ARHGEF19: variants seen among roughly 807,000 people sequenced by gnomAD.
The protein encoded by ARHGEF19 is Rho guanine nucleotide exchange factor 19.
In ARHGEF19, 92 loss-of-function variants were observed where a neutral mutation model predicts 87.6. The ratio of observed to expected loss-of-function variants is 1.05; its 90% CI spans 0.89 to 1.25. The LOEUF (loss-of-function observed/expected upper bound fraction) is 1.25, where lower values mean the gene tolerates loss of function less well. Ranked by LOEUF, ARHGEF19 falls within the 50% of genes most tolerant of loss-of-function variation. The pLI, the probability that ARHGEF19 is intolerant of heterozygous loss-of-function variation, is 0.00. For synonymous variants in ARHGEF19, 438 were observed against 446.2 expected, an observed-to-expected ratio of 0.98 and a Z score of 0.23; for missense variants, 1,054 against 1,051.8, an observed-to-expected ratio of 1.00 and a Z score of -0.03.
chr1:16,204,252 T>C (rs1343628991), intron 12 of ARHGEF19, among the ~76,000 whole-genome samples: 3 of 151,412 alleles, frequency 2.0e-5, no homozygotes, highest in East Asian at 3.9e-4. Context: ...ACTGAACAAG[T>C]GTTCACTGTG....
chr1:16,205,713 C>A lies in ARHGEF19; in HGVS notation c.1452-46G>T. ...TGGAATCACAGGTAGGCCTGAATTC[C>A]TGGGATCCACAACCCTGGCCATCCA... On this transcript the variant is annotated intron_variant, in intron 8 of 15. Transcript: ENST00000270747. This position sits in a 1 kb window ranked among gnomAD's most constrained non-coding sequence, Gnocchi z 5.8. 1 of 1,563,190 alleles carries A rather than the reference C, an allele frequency of 6.4e-7. No homozygotes were observed. The highest frequency in any genetic ancestry group is 1.4e-5 in the African/African-American group (1 of 73,070).
chr1:16,201,714 G>C, intron 14 of ARHGEF19, 68 bp downstream of exon 14: 1 of 1,532,770 alleles, frequency 6.5e-7, no homozygotes, highest in Non-Finnish European at 8.9e-7. Context: ...ACAGCACCCA[G>C]GATGGGAGGG....
In ARHGEF19 at chr1:16,205,865, C is replaced by T; in HGVS notation, c.1451+66G>A. On this transcript the variant is annotated intron_variant, in intron 8 of 15. Transcript: ENST00000270747. The surrounding 1 kb of genome is among the most constrained non-coding windows in gnomAD (Gnocchi z 5.8). ...CAGAGTCACCTTACGTCACCCAGCC[C>T]TCAGTGCCTACACCTGCCTGAGACT... 1.3e-6 allele frequency: 2 copies of T among 1,543,996 alleles called. No individual in the cohort carries two copies. Among genetic ancestry groups the T allele is most frequent in the Non-Finnish European group, 1.8e-6 (2 of 1,142,346 alleles).
intron 13 of ARHGEF19, 36 bp downstream of exon 13, chr1:16,202,380 G>C (rs753357567): frequency 6.4e-7 from 1 of 1,566,480 alleles, no homozygotes; most frequent in South Asian, 1.2e-5. Flanking sequence ...CATGGGGAGG[G>C]GGAGCCTCCT....
Position 16,208,993 on chromosome 1 carries a change from T to C in ARHGEF19, c.62A>G (p.His21Arg). Reference sequence around the variant, plus strand: ...CTGCTGGCACACTGCTACAGGGTGGTGGGCAGTGCCAGGTGGCCCAGTCAG... The same window carrying C: ...CTGCTGGCACACTGCTACAGGGTGGCGGGCAGTGCCAGGTGGCCCAGTCAG... ...PHLTGPPGTAHHPVAVCQQES... is the reference protein window; with the variant it reads ...PHLTGPPGTARHPVAVCQQES... The change falls in exon 2 of 16, where the codon CAC (histidine) becomes CGC (arginine). Residue 21 changes from histidine (H) to arginine (R), a missense_variant. His to Arg is a conservative substitution (Grantham distance 29, BLOSUM62 0). Coordinates refer to ENST00000270747, the MANE Select transcript of ARHGEF19 (RefSeq NM_153213.5). The C allele has an allele frequency of 6.6e-7, 1 of 1,521,656 alleles. No homozygotes were observed. The highest frequency in any genetic ancestry group is 8.8e-7 in the Non-Finnish European group (1 of 1,135,958). 94.3% of individuals were successfully genotyped at this position (1,521,656 alleles called of 1,614,324 possible). A position where few individuals can be genotyped will look rare whatever the true frequency, so the allele number is the denominator to read the frequency against.
chr1:16,206,550 C>T lies in ARHGEF19; in HGVS notation c.1138-210G>A. 1 of 597,304 alleles carries T rather than the reference C, an allele frequency of 1.7e-6. No individual in the cohort carries two copies. Among genetic ancestry groups the T allele is most frequent in the South Asian group, 2.0e-5 (1 of 48,872 alleles). The allele number at this position is 597,304 out of a possible 1,614,324, so 37.0% of individuals were successfully genotyped here. ...TCCTGTCCTCGATCCCGCCCCTCTCCTAAGCCCCGCCCCGACGCGTTCTTC... is the reference window on the plus strand; with the variant it reads ...TCCTGTCCTCGATCCCGCCCCTCTCTTAAGCCCCGCCCCGACGCGTTCTTC... On this transcript the variant is annotated intron_variant, in intron 6 of 15. Coordinates refer to ENST00000270747, the MANE Select transcript of ARHGEF19 (RefSeq NM_153213.5). This position sits in a 1 kb window ranked among gnomAD's most constrained non-coding sequence, Gnocchi z 4.6.
rs1373953078 is a variant in ARHGEF19, at chr1:16,207,578, GGCTCT to G, written c.813_817del (p.Glu271AspfsTer19). The G allele has an allele frequency of 6.2e-7, 1 of 1,613,952 alleles. No homozygotes were observed. The highest frequency in any genetic ancestry group is 8.5e-7 in the Non-Finnish European group (1 of 1,179,982). On this transcript the variant is annotated frameshift_variant, in exon 5 of 16. Coordinates refer to ENST00000270747, the MANE Select transcript of ARHGEF19 (RefSeq NM_153213.5). LOFTEE classifies it high-confidence loss of function. The surrounding 1 kb of genome is among the most constrained non-coding windows in gnomAD (Gnocchi z 4.0). Reference sequence around the variant, plus strand: ...GTTGGTGCTCCTGGACCCCAAAGGCGGCTCTTCCTGTGTGTCTAGCCTAGGAAAGA... The same window carrying G: ...GTTGGTGCTCCTGGACCCCAAAGGCGTCCTGTGTGTCTAGCCTAGGAAAGA...
Position 16,207,019 on chromosome 1 carries a change from G to T in ARHGEF19, c.1066C>A (p.Gln356Lys). 1 of 1,517,116 alleles carries T rather than the reference G, an allele frequency of 6.6e-7. No individual in the cohort carries two copies. Among genetic ancestry groups the T allele is most frequent in the Non-Finnish European group, 8.8e-7 (1 of 1,135,180 alleles). 94.0% of individuals were successfully genotyped at this position (1,517,116 alleles called of 1,614,324 possible). A position where few individuals can be genotyped will look rare whatever the true frequency, so the allele number is the denominator to read the frequency against. ...CTGCCGCGTACGTCGGGGATATCCT[G>T]CCACAGCGAGAAGGTGGAGCCTCGC... ...SARGSTFSLW[Q>K]DIPDVRGSGV... Residue 356 changes from glutamine (Q) to lysine (K), a missense_variant, in exon 6 of 16, where the codon CAG (glutamine) becomes AAG (lysine). Physicochemically the swap from Gln to Lys is moderately conservative, Grantham distance 53 (BLOSUM62 1). Transcript: ENST00000270747. This position sits in a 1 kb window ranked among gnomAD's most constrained non-coding sequence, Gnocchi z 4.0.
chr1:16,205,740 G>C lies in ARHGEF19; in HGVS notation c.1452-73C>G. 6 of 1,521,526 alleles carry C rather than the reference G, an allele frequency of 3.9e-6. No individual in the cohort carries two copies. Among genetic ancestry groups the C allele is most frequent in the Non-Finnish European group, 5.3e-6 (6 of 1,134,146 alleles). The allele number at this position is 1,521,526 out of a possible 1,614,324, so 94.3% of individuals were successfully genotyped here. A position where few individuals can be genotyped will look rare whatever the true frequency, so the allele number is the denominator to read the frequency against. ...GGGATCCACAACCCTGGCCATCCAC[G>C]GGGTCCTCAGGGGGCTTCTCAGCAC... is the stretch of plus-strand genomic sequence containing the variant. On this transcript the variant is annotated intron_variant, in intron 8 of 15. Transcript: ENST00000270747. This position sits in a 1 kb window ranked among gnomAD's most constrained non-coding sequence, Gnocchi z 5.8.
chr1:16,206,503 C>G lies in ARHGEF19; in HGVS notation c.1138-163G>C, dbSNP rs376205549. 3,019 of 735,476 alleles carry G rather than the reference C, an allele frequency of 4.1e-3. 64 individuals carry two copies. The African/African-American group carries it at 0.042, about 10-fold the overall frequency. 45.6% of individuals were successfully genotyped at this position (735,476 alleles called of 1,614,324 possible). A position where few individuals can be genotyped will look rare whatever the true frequency, so the allele number is the denominator to read the frequency against. On this transcript the variant is annotated intron_variant, in intron 6 of 15. Transcript: ENST00000270747. This position sits in a 1 kb window ranked among gnomAD's most constrained non-coding sequence, Gnocchi z 4.6. ...GCGGGCCCGGCGACCCACGTCCCGC[C>G]GCGGGAAATTGTGCAAGCCTTTCCT...
In ARHGEF19 at chr1:16,202,603, C is replaced by CTGG. The variant is rs756117678; in HGVS notation, c.1908-32_1908-30dup. ...GAGGACCGGGGGAGGGGAGGTCAGC[C>CTGG]TGGCCTGGGCCCTGGCTCTAGGCAC... On this transcript the variant is annotated intron_variant, in intron 12 of 15. Transcript: ENST00000270747. The CTGG allele has an allele frequency of 7.0e-5, 112 of 1,600,722 alleles. 1 individual carries two copies. The Middle Eastern group carries it at 1.0e-3, about 14-fold the overall frequency.
In ARHGEF19 at chr1:16,207,090, C is replaced by T. The variant is rs1475668577; in HGVS notation, c.995G>A (p.Arg332Gln). 1.3e-6 allele frequency: 2 copies of T among 1,506,922 alleles called. No individual in the cohort carries two copies. The highest frequency in any genetic ancestry group is 1.5e-5 in the African/African-American group (1 of 68,626). 93.3% of individuals were successfully genotyped at this position (1,506,922 alleles called of 1,614,324 possible). A position where few individuals can be genotyped will look rare whatever the true frequency, so the allele number is the denominator to read the frequency against. Residue 332 changes from arginine to glutamine, a missense_variant, in exon 6 of 16, where the codon CGG (arginine) becomes CAG (glutamine). By Grantham distance (43) the Arg-to-Gln change is conservative. Coordinates refer to ENST00000270747, the MANE Select transcript of ARHGEF19 (RefSeq NM_153213.5). The surrounding 1 kb of genome is among the most constrained non-coding windows in gnomAD (Gnocchi z 4.0). ...GGAGCTGCTGGGGGAGAGGTTGGCCCGCGGCGGCCCCGGCCCCTCCTCTGC... is the reference window on the plus strand; with the variant it reads ...GGAGCTGCTGGGGGAGAGGTTGGCCTGCGGCGGCCCCGGCCCCTCCTCTGC... ...EGAEEGPGPP[R>Q]ANLSPSSSFR...
Position 16,206,476 on chromosome 1 carries a change from G to C in ARHGEF19, c.1138-136C>G, listed in dbSNP as rs994664727. 7.2e-6 allele frequency: 7 copies of C among 977,466 alleles called. No homozygotes were observed. The highest frequency in any genetic ancestry group is 2.7e-5 in the East Asian group (1 of 37,554). The allele number at this position is 977,466 out of a possible 1,614,324, so 60.5% of individuals were successfully genotyped here. A position where few individuals can be genotyped will look rare whatever the true frequency, so the allele number is the denominator to read the frequency against. On this transcript the variant is annotated intron_variant, in intron 6 of 15. Transcript: ENST00000270747. This position sits in a 1 kb window ranked among gnomAD's most constrained non-coding sequence, Gnocchi z 4.6. ...CTAGCCCCACTCCTAATCTGGCGCC[G>C]GGCGGGCCCGGCGACCCACGTCCCG... is the stretch of plus-strand genomic sequence containing the variant.
intron 14 of ARHGEF19, among the ~76,000 whole-genome samples, chr1:16,200,624 A>G (rs2081076766): frequency 6.6e-6 from 1 of 152,182 alleles, no homozygotes; most frequent in Non-Finnish European, 1.5e-5. Flanking sequence ...GGCGCCTATA[A>G]TCCCAGCTAC....
In ARHGEF19 at chr1:16,207,902, C is replaced by CGCCGCGGGCG; in HGVS notation, c.694+41_694+42insCGCCCGCGGC. On this transcript the variant is annotated intron_variant, in intron 3 of 15. Transcript: ENST00000270747. The surrounding 1 kb of genome is among the most constrained non-coding windows in gnomAD (Gnocchi z 4.0). ...GGCATCGCCCACCCCCACCCCCACCCGGCATCTGGCTGCCCTCAGGGCCCA... is the reference window on the plus strand; with the variant it reads ...GGCATCGCCCACCCCCACCCCCACCCGCCGCGGGCGGGCATCTGGCTGCCCTCAGGGCCCA... The CGCCGCGGGCG allele has an allele frequency of 6.3e-7, 1 of 1,574,826 alleles. No homozygotes were observed. The highest frequency in any genetic ancestry group is 8.6e-7 in the Non-Finnish European group (1 of 1,159,208).
In ARHGEF19 at chr1:16,198,390, G is replaced by A. The variant is rs1417414121; in HGVS notation, c.*197C>T. On this transcript the variant is annotated 3_prime_UTR_variant, in exon 16 of 16. Coordinates refer to ENST00000270747, the MANE Select transcript of ARHGEF19 (RefSeq NM_153213.5). The surrounding 1 kb of genome is among the most constrained non-coding windows in gnomAD (Gnocchi z 4.1). ...AAGAAACTATCCTTGGCCTTGAAGTGTGGACACTGAGGAGCATGAGGACGG... is the reference window on the plus strand; with the variant it reads ...AAGAAACTATCCTTGGCCTTGAAGTATGGACACTGAGGAGCATGAGGACGG... 4 of 512,672 alleles carry A rather than the reference G, an allele frequency of 7.8e-6. No homozygotes were observed. The highest frequency in any genetic ancestry group is 3.8e-5 in the African/African-American group (2 of 52,022). The allele number at this position is 512,672 out of a possible 1,614,324, so 31.8% of individuals were successfully genotyped here.
rs866812057 is a variant in ARHGEF19, at chr1:16,205,481, G to T, written c.1582-56C>A. On this transcript the variant is annotated intron_variant, in intron 9 of 15. Coordinates refer to ENST00000270747, the MANE Select transcript of ARHGEF19 (RefSeq NM_153213.5). The surrounding 1 kb of genome is among the most constrained non-coding windows in gnomAD (Gnocchi z 5.8). The stretch of plus-strand genomic sequence containing the variant: ...TCCTCATACTCCCGAGACCCGGCCC[G>T]CCCACAGGTGTATCTCCCTCGCCCA... 5 of 1,612,208 alleles carry T rather than the reference G, an allele frequency of 3.1e-6. No individual in the cohort carries two copies. Among genetic ancestry groups the T allele is most frequent in the South Asian group, 2.2e-5 (2 of 91,000 alleles).
In ARHGEF19 at chr1:16,206,512, T is replaced by C. The variant is rs1285249603; in HGVS notation, c.1138-172A>G. On this transcript the variant is annotated intron_variant, in intron 6 of 15. Transcript: ENST00000270747. The surrounding 1 kb of genome is among the most constrained non-coding windows in gnomAD (Gnocchi z 4.6). ...GCGACCCACGTCCCGCCGCGGGAAATTGTGCAAGCCTTTCCTGTCCTCGAT... is the reference window on the plus strand; with the variant it reads ...GCGACCCACGTCCCGCCGCGGGAAACTGTGCAAGCCTTTCCTGTCCTCGAT... 45 of 693,936 alleles carry C rather than the reference T, an allele frequency of 6.5e-5. No individual in the cohort carries two copies. The East Asian group carries it at 1.2e-3, about 19-fold the overall frequency. 43.0% of individuals were successfully genotyped at this position (693,936 alleles called of 1,614,324 possible).
At chr1:16,200,246 C>A (rs2081072476) in intron 14 of ARHGEF19, among the ~76,000 whole-genome samples, 2 of 152,344 alleles carry the variant, frequency 1.3e-5, no homozygotes, top group South Asian at 4.1e-4. Context: ...GCTGTGTGAC[C>A]AATTTACTTC....
Sources: gnomAD v4.1 joint callset for allele counts (sites outside exome capture counted in the v4.1 genomes callset) on GRCh38, gnomAD v4.1.1 for gene constraint, Gnocchi (gnomAD v3.1) non-coding constraint, MANE v1.5 for transcripts, NCBI Gene and HGNC (gene_info 2026-07-23, HGNC 2026-07-21) for gene names.